The following ARAP1 variants were observed in gnomAD, a reference collection of about 807,000 sequenced individuals.
ARAP1 encodes the protein ArfGAP with RhoGAP domain, ankyrin repeat and PH domain 1.
In ARAP1, 76 loss-of-function variants were observed where a neutral mutation model predicts 172.2. The ratio of observed to expected loss-of-function variants is 0.44; its 90% CI spans 0.37 to 0.53. The LOEUF (loss-of-function observed/expected upper bound fraction) is 0.53, where lower values mean the gene tolerates loss of function less well. Among genes scored for constraint, ARAP1 ranks in the 20% least tolerant of loss-of-function variants. ARAP1 has a pLI of 0.00. For missense variants in ARAP1, 1,686 were observed against 1,977.5 expected (o/e 0.85, Z 2.80); for synonymous variants, 804 against 803.3 (o/e 1.00, Z -0.01).
intron 1 of ARAP1, among the ~76,000 whole-genome samples, chr11:72,742,217 T>A (rs1365327307): frequency 6.6e-6 from 1 of 152,108 alleles, no homozygotes; most frequent in Non-Finnish European, 1.5e-5. Context: ...TCCCTCTCGA[T>A]TCTCCAGCAG....
chr11:72,744,058 C>T (rs1351121144), intron 1 of ARAP1, among the ~76,000 whole-genome samples: 1 of 152,142 alleles, frequency 6.6e-6, no homozygotes, highest in Non-Finnish European at 1.5e-5. Context: ...ACATCTTTCT[C>T]TACCTCACCC....
In ARAP1 at chr11:72,717,480, C is replaced by T. The variant is rs75210226; in HGVS notation, c.510-3159G>A. 4.5e-3 allele frequency among the ~76,000 whole-genome samples: 679 copies of T among 152,312 alleles called. 5 individuals carry two copies. Among genetic ancestry groups the T allele is most frequent in the African/African-American group, 0.016 (646 of 41,560 alleles). Reference sequence around the variant, plus strand: ...TAAAAACTGCCCACCTGCTCGTCCGCATCCCTGGGGTCCGGCAGCATCAGC... The same window carrying T: ...TAAAAACTGCCCACCTGCTCGTCCGTATCCCTGGGGTCCGGCAGCATCAGC... On this transcript the variant is annotated intron_variant, in intron 3 of 34. Coordinates refer to ENST00000393609, the MANE Select transcript of ARAP1 (RefSeq NM_001040118.3).
In ARAP1 at chr11:72,704,360, C is replaced by T. The variant is rs538122842; in HGVS notation, c.1810-26G>A. ...CTGTGGGGGTGTGCAGGAGGTCAGA[C>T]GGGCCAGCTGACAGCCAGGGGCCGT... On this transcript the variant is annotated intron_variant, in intron 13 of 34. Transcript: ENST00000393609. 2.4e-5 allele frequency: 37 copies of T among 1,527,028 alleles called. No homozygotes were observed. In the Middle Eastern group the frequency reaches 1.7e-3, roughly 71 times the overall value. 94.6% of individuals were successfully genotyped at this position (1,527,028 alleles called of 1,614,324 possible).
In ARAP1 at chr11:72,709,973, A is replaced by G. The variant is rs1050534099; in HGVS notation, c.1420T>C (p.Tyr474His). The change falls in exon 11 of 35, where the codon TAC becomes CAC. Residue 474 changes from tyrosine to histidine, a missense_variant. Coordinates refer to ENST00000393609, the MANE Select transcript of ARAP1 (RefSeq NM_001040118.3). ...AAGGTGATGCCAATGCCCAGGTGGT[A>G]CTCCTGGAGGGCAGATGGGACGGGA... ...KVQLYKNLEE[Y>H]HLGIGITFID... 6.2e-7 allele frequency: 1 copy of G among 1,612,160 alleles called. No individual in the cohort carries two copies. Among genetic ancestry groups the G allele is most frequent in the Non-Finnish European group, 8.5e-7 (1 of 1,178,964 alleles).
rs1415772799 is a variant in ARAP1, at chr11:72,721,732, G to C, written c.509+4888C>G. On this transcript the variant is annotated intron_variant, in intron 3 of 34. Coordinates refer to ENST00000393609, the MANE Select transcript of ARAP1 (RefSeq NM_001040118.3). Reference sequence around the variant, plus strand: ...AAACTCTAAGAGAAAAAAAGAGAAGGGGGAGGAGAGCAGCACAGAAAACCA... The same window carrying C: ...AAACTCTAAGAGAAAAAAAGAGAAGCGGGAGGAGAGCAGCACAGAAAACCA... The C allele has an allele frequency of 6.9e-6, 6 of 872,056 alleles. No individual in the cohort carries two copies. The East Asian group carries it at 4.5e-4, about 66-fold the overall frequency. The allele number at this position is 872,056 out of a possible 1,614,324, so 54.0% of individuals were successfully genotyped here.
At position 72,695,056 on chromosome 11, in the gene ARAP1, G is replaced by C. The variant is rs189745190; in HGVS notation, c.3618C>G (p.Ile1206Met). 1 of 1,614,000 alleles carries C rather than the reference G, an allele frequency of 6.2e-7. No homozygotes were observed. The change falls in exon 27 of 35, where the codon ATC (isoleucine) becomes ATG (methionine). Residue 1206 changes from isoleucine (I) to methionine (M), a missense_variant. By Grantham distance (10) the Ile-to-Met change is conservative (BLOSUM62 1). Around this residue, in one of 5 missense-constraint regions of ARAP1, gnomAD observed 379 missense variants for 500.1 expected, o/e 0.76. Coordinates refer to ENST00000393609, the MANE Select transcript of ARAP1 (RefSeq NM_001040118.3). The surrounding 1 kb of genome is among the most constrained non-coding windows in gnomAD (Gnocchi z 4.4). ...SMTAEELTLE[I>M]LDRRNVGIRE... is the part of the protein sequence containing the mutation. ...TGATGCCCACGTTCCGGCGATCCAG[G>C]ATCTCCAGGGTGAGCTCCTCAGCAG...
intron 4 of ARAP1, among the ~76,000 whole-genome samples, chr11:72,713,709 T>C (rs1354391248): frequency 6.6e-6 from 1 of 151,786 alleles, no homozygotes; most frequent in Non-Finnish European, 1.5e-5. Flanking sequence ...TAGCCAGGTA[T>C]GGTGGCGGGC....
At chr11:72,718,363 A>T (rs1288880236) in intron 3 of ARAP1, among the ~76,000 whole-genome samples, 2 of 151,958 alleles carry the variant, frequency 1.3e-5, no homozygotes, top group East Asian at 3.9e-4. Flanking sequence ...CCCCGCTCCA[A>T]TCCCGAGGTC....
rs187762518 is a variant in ARAP1, at chr11:72,685,572, C to G, written c.*92G>C. 1.3e-6 allele frequency: 2 copies of G among 1,560,636 alleles called. No homozygotes were observed. The highest frequency in any genetic ancestry group is 1.4e-5 in the African/African-American group (1 of 73,742). On this transcript the variant is annotated 3_prime_UTR_variant, in exon 35 of 35. Transcript: ENST00000393609. ...GGGGTGCAGTTTCCCATGCACCCCC[C>G]GCTGGCTCACATCAGGCCTTGGAGC...
At chr11:72,689,739 A>G (rs945352385) in intron 30 of ARAP1, among the ~76,000 whole-genome samples, 1 of 152,208 alleles carries the variant, frequency 6.6e-6, no homozygotes, top group Non-Finnish European at 1.5e-5. Flanking sequence ...TGTCTTCTAC[A>G]GACAGCACCT....
At chr11:72,690,234 A>G (rs1199182009) in intron 30 of ARAP1, among the ~76,000 whole-genome samples, 1 of 152,148 alleles carries the variant, frequency 6.6e-6, no homozygotes, top group Non-Finnish European at 1.5e-5. Context: ...GCGCAGAGGC[A>G]ACTGCAGGAA....
chr11:72,745,182 CTTTTTTTTT>C (rs902550014), intron 1 of ARAP1, among the ~76,000 whole-genome samples: 2 of 88,312 alleles, frequency 2.3e-5, no homozygotes, highest in Non-Finnish European at 4.2e-5. Flanking sequence ...AAGTTTCTTT[CTTTTTTTTT>C]TTTTTTTTTT....
chr11:72,693,271 A>G lies in ARAP1; in HGVS notation c.3954+54T>C. 1 of 1,586,002 alleles carries G rather than the reference A, an allele frequency of 6.3e-7. No individual in the cohort carries two copies. The highest frequency in any genetic ancestry group is 1.1e-5 in the South Asian group (1 of 88,414). ...TGCAGACCAAGGGGAATCTCTGAGC[A>G]CATTCAGGTGTACAGGTGCCCACCC... On this transcript the variant is annotated intron_variant, in intron 29 of 34. Coordinates refer to ENST00000393609, the MANE Select transcript of ARAP1 (RefSeq NM_001040118.3). This position sits in a 1 kb window ranked among gnomAD's most constrained non-coding sequence, Gnocchi z 4.6.
At chr11:72,746,537 G>A (rs1858370977) in intron 1 of ARAP1, among the ~76,000 whole-genome samples, 1 of 152,182 alleles carries the variant, frequency 6.6e-6, no homozygotes, top group Admixed American at 6.5e-5. Flanking sequence ...CAGAAGCTGG[G>A]ACTCACAGGC....
At position 72,693,447 on chromosome 11, in the gene ARAP1, G is replaced by T; in HGVS notation, c.3832C>A (p.His1278Asn). ...YLASRVGDTK[H>N]GMMKFREDRS... Reference sequence around the variant, plus strand: ...TCCTCACGGAACTTCATCATGCCATGCTTGGTGTCACCGACACGGCTGGCT... The same window carrying T: ...TCCTCACGGAACTTCATCATGCCATTCTTGGTGTCACCGACACGGCTGGCT... The change falls in exon 29 of 35, where the codon CAT becomes AAT. Residue 1278 changes from histidine to asparagine, a missense_variant. By Grantham distance (68) the His-to-Asn change is moderately conservative. This residue lies in a region of ARAP1 where 379 missense variants were observed against 500.1 expected (regional missense o/e 0.76). Transcript: ENST00000393609. This position sits in a 1 kb window ranked among gnomAD's most constrained non-coding sequence, Gnocchi z 4.6. 6.2e-7 allele frequency: 1 copy of T among 1,613,684 alleles called. No individual in the cohort carries two copies. The highest frequency in any genetic ancestry group is 1.1e-5 in the South Asian group (1 of 91,080).
Position 72,693,929 on chromosome 11 carries a change from A to T in ARAP1, c.3695-124T>A. 1 of 715,062 alleles carries T rather than the reference A, an allele frequency of 1.4e-6. No homozygotes were observed. The highest frequency in any genetic ancestry group is 2.3e-6 in the Non-Finnish European group (1 of 437,070). 44.3% of individuals were successfully genotyped at this position (715,062 alleles called of 1,614,324 possible). ...TCCAACCATATGCAAGTGCCACGAC[A>T]CAAAACACCACCATCATGACCACCC... On this transcript the variant is annotated intron_variant, in intron 27 of 34. Transcript: ENST00000393609. This position sits in a 1 kb window ranked among gnomAD's most constrained non-coding sequence, Gnocchi z 4.6.
At chr11:72,730,386 T>C (rs7110801) in intron 2 of ARAP1, among the ~76,000 whole-genome samples, 101,736 of 152,184 alleles carry the variant, frequency 0.67, 35,330 homozygotes, top group African/African-American at 0.85. Context: ...AGGGCATCCC[T>C]TCCCTGGCTG....
chr11:72,691,053 G>A (rs1855912627), intron 30 of ARAP1, among the ~76,000 whole-genome samples: 1 of 152,220 alleles, frequency 6.6e-6, no homozygotes, highest in African/African-American at 2.4e-5. Flanking sequence ...ACCCTGTGCT[G>A]AGCACCCCTC....
chr11:72,728,984 C>T (rs575665196), intron 2 of ARAP1, among the ~76,000 whole-genome samples: 3 of 152,002 alleles, frequency 2.0e-5, no homozygotes, highest in African/African-American at 4.8e-5. Flanking sequence ...GGGTGGAGGG[C>T]GGGGAGGGTA....
Sources: allele counts gnomAD v4.1 joint callset (sites outside exome capture counted in the v4.1 genomes callset), GRCh38; gene constraint gnomAD v4.1.1; regional missense constraint gnomAD v4.1.1; non-coding constraint Gnocchi (gnomAD v3.1); transcripts MANE v1.5; gene names NCBI Gene and HGNC (gene_info 2026-07-23, HGNC 2026-07-21).